Variants in NVL observed in about 807,000 individuals in gnomAD.
The protein encoded by NVL is nuclear VCP like, also known as nuclear valosin-containing protein-like.
In NVL, 84 loss-of-function variants were observed where a neutral mutation model predicts 110.2. The ratio of observed to expected loss-of-function variants is 0.76; its 90% CI spans 0.64 to 0.91. NVL has a LOEUF of 0.91. Among genes scored for constraint, NVL ranks in the 40% least tolerant of loss-of-function variants. The pLI is 0.00. For synonymous variants in NVL, 354 were observed against 361.1 expected, an observed-to-expected ratio of 0.98 and a Z score of 0.22; for missense variants, 882 against 1,035.9, an observed-to-expected ratio of 0.85 and a Z score of 2.04.
chr1:224,258,346 T>G (rs184099716), intron 18 of NVL, among the ~76,000 whole-genome samples: 10 of 152,156 alleles, frequency 6.6e-5, no homozygotes, highest in Admixed American at 5.2e-4. Flanking sequence ...CCACCTCACA[T>G]CCACTAGAAT....
At chr1:224,234,037 C>T (rs973373135) in intron 20 of NVL, among the ~76,000 whole-genome samples, 2 of 152,142 alleles carry the variant, frequency 1.3e-5, no homozygotes, top group Middle Eastern at 6.8e-3. Flanking sequence ...CTCAAGAAAA[C>T]CCCCCAAAAA....
intron 12 of NVL, among the ~76,000 whole-genome samples, chr1:224,289,942 G>A (rs1002809048): frequency 2.0e-5 from 3 of 152,158 alleles, no homozygotes; most frequent in Non-Finnish European, 4.4e-5. Context: ...TATCTGCTTT[G>A]TTAGGAAACA....
chr1:224,240,088 C>T (rs1405060123), intron 19 of NVL, among the ~76,000 whole-genome samples: 3 of 82,646 alleles, frequency 3.6e-5, no homozygotes, highest in Non-Finnish European at 6.7e-5. Context: ...TTTTTTGAGA[C>T]GGAGTCTCAC....
intron 4 of NVL, among the ~76,000 whole-genome samples, chr1:224,316,808 C>G (rs1286284230): frequency 6.6e-6 from 1 of 151,906 alleles, no homozygotes; most frequent in African/African-American, 2.4e-5. Context: ...GTGAGTATAT[C>G]TATATGTCAA....
chr1:224,275,528 A>C, intron 16 of NVL, 70 bp from the exon 17 acceptor site: 2 of 1,590,714 alleles, frequency 1.3e-6, no homozygotes, highest in Admixed American at 3.3e-5. Flanking sequence ...ATGATACTAA[A>C]CAGTTTTATG....
intron 18 of NVL, among the ~76,000 whole-genome samples, chr1:224,265,555 C>T (rs955348802): frequency 2.0e-5 from 3 of 151,982 alleles, no homozygotes; most frequent in Non-Finnish European, 2.9e-5. Flanking sequence ...AAATATGGTG[C>T]GGGCTGTTAA....
intron 4 of NVL, 140 bp from the exon 5 acceptor site, chr1:224,311,997 A>T (rs1669573095): frequency 1.6e-6 from 1 of 635,324 alleles, no homozygotes; most frequent in South Asian, 2.0e-5. Context: ...AGAAACTAGG[A>T]TTCAAAATCC....
intron 1 of NVL, 29 bp from the exon 2 acceptor site, chr1:224,326,493 A>G (rs1436744702): frequency 1.4e-6 from 2 of 1,446,512 alleles, no homozygotes; most frequent in Non-Finnish European, 1.9e-6. Context: ...CAAATACAAA[A>G]CACCCAATAT....
At chr1:224,329,811 T>C (rs1671504188) in intron 1 of NVL, among the ~76,000 whole-genome samples, 1 of 152,220 alleles carries the variant, frequency 6.6e-6, no homozygotes, top group Admixed American at 6.5e-5. Flanking sequence ...TGATCTGCGC[T>C]GAAGACGACC....
At chr1:224,322,138 C>G (rs750717940) in intron 2 of NVL, among the ~76,000 whole-genome samples, 2 of 152,028 alleles carry the variant, frequency 1.3e-5, no homozygotes, top group African/African-American at 4.8e-5. Flanking sequence ...TTCAGTGCAG[C>G]GGTGCAATCG....
At chr1:224,237,888 A>T (rs894152638) in intron 19 of NVL, among the ~76,000 whole-genome samples, 1 of 147,240 alleles carries the variant, frequency 6.8e-6, no homozygotes, top group African/African-American at 2.6e-5. Flanking sequence ...CGGGAGGTGG[A>T]GGCTGTAGTA....
rs1017172554 is a variant in NVL at position 224,317,612 on chromosome 1, A to G, written c.284+82T>C. The G allele has an allele frequency of 3.1e-5, 25 of 803,810 alleles. No individual in the cohort carries two copies. The Admixed American group carries it at 3.3e-4, about 11-fold the overall frequency. The allele number at this position is 803,810 out of a possible 1,614,324, so 49.8% of individuals were successfully genotyped here. A position where few individuals can be genotyped will look rare whatever the true frequency, so the allele number is the denominator to read the frequency against. On this transcript the variant is annotated intron_variant, in intron 4 of 22. Coordinates refer to ENST00000281701, the MANE Select transcript of NVL (RefSeq NM_002533.4). ...TCACGCAGGGCTTTGTTGGCAATGA[A>G]GAGCCACTGAAAGTTTTACAAGCAG... is the stretch of plus-strand genomic sequence containing the variant.
intron 17 of NVL, among the ~76,000 whole-genome samples, chr1:224,272,460 G>C (rs1028399628): frequency 6.6e-6 from 1 of 152,182 alleles, no homozygotes; most frequent in African/African-American, 2.4e-5. Context: ...GCTCACATCT[G>C]TAATGCCAGC....
At chr1:224,326,563 T>C in intron 1 of NVL, 99 bp from the exon 2 acceptor site, 1 of 708,422 alleles carries the variant, frequency 1.4e-6, no homozygotes, top group Non-Finnish European at 2.4e-6. Context: ...TACTTTAAGA[T>C]AAACTCTTCG....
intron 19 of NVL, among the ~76,000 whole-genome samples, chr1:224,241,255 A>G (rs924951274): frequency 1.3e-5 from 2 of 152,236 alleles, no homozygotes; most frequent in African/African-American, 2.4e-5. Context: ...TCTGACTTAT[A>G]GTAAGAACTA....
intron 9 of NVL, chr1:224,302,988 G>A (rs1572008181): frequency 7.5e-6 from 2 of 265,368 alleles, no homozygotes; most frequent in African/African-American, 2.3e-5. Context: ...AGTTGAGGCT[G>A]TAGTGAGCCA....
Position 224,317,792 on chromosome 1 carries a change from T to C in NVL, c.186A>G (p.Val62=). The C allele has an allele frequency of 3.8e-6, 6 of 1,588,208 alleles. No homozygotes were observed. The highest frequency in any genetic ancestry group is 5.2e-6 in the Non-Finnish European group (6 of 1,158,724). ...RNAFRIQVEK[V]FSIISSEKEL... is the part of the protein sequence containing the mutation. ...CCTTCTCACTACTAATTATGCTAAA[T>C]ACTGAAACAAAAAGAAAAACGCTAT... The change falls in exon 4 of 23, where the codon GTA becomes GTG. Residue 62 remains valine (V), a splice_region_variant and synonymous_variant. Coordinates refer to ENST00000281701, the MANE Select transcript of NVL (RefSeq NM_002533.4).
chr1:224,319,291 TA>T (rs1245286825), intron 2 of NVL, among the ~76,000 whole-genome samples: 4 of 151,828 alleles, frequency 2.6e-5, no homozygotes, highest in South Asian at 4.1e-4. Context: ...AAATGGTCTT[TA>T]TAGTTGTTTT....
chr1:224,271,298 G>A (rs1294175962), intron 17 of NVL, among the ~76,000 whole-genome samples: 6 of 151,950 alleles, frequency 3.9e-5, no homozygotes, highest in Non-Finnish European at 8.8e-5. Context: ...TTCAATACAA[G>A]CCTGGGCAAC....
Sources: gnomAD v4.1 joint callset for allele counts (sites outside exome capture counted in the v4.1 genomes callset) on GRCh38, gnomAD v4.1.1 for gene constraint, MANE v1.5 for transcripts, NCBI Gene and HGNC (gene_info 2026-07-23, HGNC 2026-07-21) for gene names.